Variants in AGPS observed in about 807,000 individuals in gnomAD.
AGPS encodes alkylglycerone phosphate synthase.
In AGPS, 26 loss-of-function variants were observed where a neutral mutation model predicts 90.7. The observed-to-expected ratio is 0.29, with a 90% CI of 0.21 to 0.40. The LOEUF (loss-of-function observed/expected upper bound fraction) is 0.40. Among genes scored for constraint, AGPS ranks in the 10% least tolerant of loss-of-function variants. The probability of loss-of-function intolerance (pLI) is 1.00; values close to 1 mark genes in which losing one functional copy is unlikely to be tolerated. For missense variants in AGPS, 540 were observed against 816.1 expected (o/e 0.66, Z 4.12); for synonymous variants, 294 against 285.3 (o/e 1.03, Z -0.31).
intron 8 of AGPS, among the ~76,000 whole-genome samples, chr2:177,454,726 G>T (rs983671652): frequency 5.9e-5 from 9 of 152,172 alleles, no homozygotes; most frequent in African/African-American, 1.9e-4. Flanking sequence ...ATGCACTTAT[G>T]TGGAAACAGT....
intron 14 of AGPS, among the ~76,000 whole-genome samples, chr2:177,500,150 C>A (rs1411128536): frequency 1.3e-5 from 2 of 151,760 alleles, no homozygotes; most frequent in African/African-American, 2.4e-5. Context: ...TGTGTTTAAT[C>A]GAAGGTATTT....
At chr2:177,484,538 A>G (rs767706510) in intron 11 of AGPS, among the ~76,000 whole-genome samples, 13 of 151,440 alleles carry the variant, frequency 8.6e-5, no homozygotes, top group Non-Finnish European at 1.8e-4. Flanking sequence ...TGAAGATGGG[A>G]TTTTGCCGTG....
At chr2:177,440,339 A>C (rs1212473198) in intron 5 of AGPS, among the ~76,000 whole-genome samples, 1 of 152,144 alleles carries the variant, frequency 6.6e-6, no homozygotes, top group Non-Finnish European at 1.5e-5. Context: ...TGTTCATATC[A>C]TGTGCCTCTA....
At chr2:177,496,887 CTT>C (rs1688429567) in intron 12 of AGPS, among the ~76,000 whole-genome samples, 1 of 151,996 alleles carries the variant, frequency 6.6e-6, no homozygotes, top group South Asian at 2.1e-4. Context: ...AAAAAGAAAA[CTT>C]TTTATTTGGA....
At chr2:177,521,537 T>C (rs1267356458) in intron 18 of AGPS, among the ~76,000 whole-genome samples, 169 bp downstream of exon 18, 2 of 152,242 alleles carry the variant, frequency 1.3e-5, no homozygotes, top group Non-Finnish European at 2.9e-5. Flanking sequence ...ATGTACTGAA[T>C]TGTGAGTCTA....
chr2:177,529,046 G>C (rs893094342), intron 19 of AGPS, among the ~76,000 whole-genome samples: 24 of 151,664 alleles, frequency 1.6e-4, no homozygotes, highest in African/African-American at 5.8e-4. Context: ...TAGTAGAGAC[G>C]GGGTTTCACC....
chr2:177,405,697 C>T (rs1263270216), intron 1 of AGPS, among the ~76,000 whole-genome samples: 26 of 135,256 alleles, frequency 1.9e-4, no homozygotes, highest in African/African-American at 6.6e-4. Context: ...TTCCCACCTT[C>T]CTGTCTTTCT....
At chr2:177,438,516 C>A (rs1189435806) in intron 5 of AGPS, among the ~76,000 whole-genome samples, 1 of 152,126 alleles carries the variant, frequency 6.6e-6, no homozygotes, top group Non-Finnish European at 1.5e-5. Flanking sequence ...TTTGTAAAAT[C>A]CCTCCCATTT....
chr2:177,429,569 G>T (rs141374813), intron 2 of AGPS, among the ~76,000 whole-genome samples: 1 of 152,060 alleles, frequency 6.6e-6, no homozygotes, highest in East Asian at 1.9e-4. Context: ...CCACTTTTTC[G>T]TAGGGCTGCT....
In AGPS at chr2:177,392,833, C is replaced by T. The variant is rs749653767; in HGVS notation, c.44C>T (p.Ala15Val). ...GCAGCGGGTGGGACTGGCTTGGGCG[C>T]GGGCGCGAGCTACGGGTCTGCAGCG... ...AAAAGGTGLG[A>V]GASYGSAADR... The change falls in exon 1 of 20, where the codon GCG becomes GTG. Residue 15 changes from alanine (A) to valine (V), a missense_variant. Physicochemically the swap from Ala to Val is moderately conservative, Grantham distance 64 (BLOSUM62 0). This residue lies in a region of AGPS where 135 missense variants were observed against 124.0 expected (regional missense o/e 1.09). Coordinates refer to ENST00000264167, the MANE Select transcript of AGPS (RefSeq NM_003659.4). 5 of 1,546,522 alleles carry T rather than the reference C, an allele frequency of 3.2e-6. No homozygotes were observed. Among genetic ancestry groups the T allele is most frequent in the Admixed American group, 3.9e-5 (2 of 51,544 alleles).
chr2:177,478,273 G>C (rs1687839030), intron 10 of AGPS, among the ~76,000 whole-genome samples: 1 of 152,066 alleles, frequency 6.6e-6, no homozygotes, highest in African/African-American at 2.4e-5. Flanking sequence ...CTGTTTTCAA[G>C]ATTTTTCTCT....
intron 3 of AGPS, among the ~76,000 whole-genome samples, chr2:177,434,675 G>C (rs575531171): frequency 6.6e-6 from 1 of 152,140 alleles, no homozygotes; most frequent in African/African-American, 2.4e-5. Flanking sequence ...GTTATTTTTA[G>C]AATTGGGAGT....
intron 10 of AGPS, 62 bp downstream of exon 10, chr2:177,468,586 T>G (rs1052385571): frequency 8.4e-5 from 98 of 1,166,956 alleles, no homozygotes; most frequent in Non-Finnish European, 1.1e-4. Context: ...TTTGTGAAAA[T>G]CTTTATATTG....
intron 17 of AGPS, among the ~76,000 whole-genome samples, chr2:177,514,241 A>G (rs556327128): frequency 2.7e-4 from 41 of 152,332 alleles, no homozygotes; most frequent in Non-Finnish European, 5.0e-4. Context: ...GAAATTATAA[A>G]TTATATACAT....
intron 1 of AGPS, among the ~76,000 whole-genome samples, chr2:177,406,746 A>C (rs757570394): frequency 6.6e-6 from 1 of 152,242 alleles, no homozygotes; most frequent in Non-Finnish European, 1.5e-5. Flanking sequence ...TTGATTATTG[A>C]AGTAATAACA....
chr2:177,478,884 A>G (rs1687863938), intron 10 of AGPS, among the ~76,000 whole-genome samples: 1 of 151,656 alleles, frequency 6.6e-6, no homozygotes, highest in African/African-American at 2.4e-5. Context: ...ATTTTAGGCT[A>G]TATCTCTAGT....
intron 8 of AGPS, among the ~76,000 whole-genome samples, chr2:177,445,879 G>T (rs1369528787): frequency 6.6e-6 from 1 of 152,188 alleles, no homozygotes; most frequent in Non-Finnish European, 1.5e-5. Context: ...CAGAAAGTTC[G>T]ATAAATAATT....
chr2:177,524,610 A>C (rs554376626), intron 19 of AGPS, among the ~76,000 whole-genome samples: 3 of 152,258 alleles, frequency 2.0e-5, no homozygotes, highest in Non-Finnish European at 2.9e-5. Context: ...TAAAAATTCA[A>C]CTGCTCTGGA....
chr2:177,487,287 A>G (rs888698489), intron 11 of AGPS, among the ~76,000 whole-genome samples: 1 of 152,048 alleles, frequency 6.6e-6, no homozygotes, highest in South Asian at 2.1e-4. Flanking sequence ...TGTATTTGGT[A>G]TTGATTAGTA....
Sources: allele counts gnomAD v4.1 joint callset (sites outside exome capture counted in the v4.1 genomes callset), GRCh38; gene constraint gnomAD v4.1.1; regional missense constraint gnomAD v4.1.1; transcripts MANE v1.5; gene names NCBI Gene and HGNC (gene_info 2026-07-23, HGNC 2026-07-21).